Variants in SLC8A1 observed in about 807,000 individuals in gnomAD.
The protein encoded by SLC8A1 is solute carrier family 8 member A1.
In SLC8A1, 18 loss-of-function variants were observed where a neutral mutation model predicts 68.3. The ratio of observed to expected loss-of-function variants is 0.26; its 90% CI spans 0.18 to 0.39. The LOEUF (loss-of-function observed/expected upper bound fraction) is 0.39. Among genes scored for constraint, SLC8A1 ranks in the 10% least tolerant of loss-of-function variants. The pLI is 1.00. For synonymous variants in SLC8A1, 475 were observed against 415.5 expected (o/e 1.14, Z -1.74); for missense variants, 985 against 1,156.7 (o/e 0.85, Z 2.15).
chr2:40,198,397 A>C (rs573741953), intron 2 of SLC8A1, among the ~76,000 whole-genome samples: 35 of 152,088 alleles, frequency 2.3e-4, no homozygotes, highest in African/African-American at 7.9e-4. Context: ...TATAATTATC[A>C]CCATTATATA....
intron 6 of SLC8A1, among the ~76,000 whole-genome samples, chr2:40,153,467 C>T (rs1424982753): frequency 6.6e-6 from 1 of 152,136 alleles, no homozygotes; most frequent in African/African-American, 2.4e-5. Flanking sequence ...TACTCTGTAT[C>T]ACAGAGAATG....
intron 2 of SLC8A1, among the ~76,000 whole-genome samples, chr2:40,367,220 G>C (rs1676517242): frequency 6.6e-6 from 1 of 151,974 alleles, no homozygotes; most frequent in South Asian, 2.1e-4. Context: ...TGGCATCCTT[G>C]TTCTGCCTCC....
chr2:40,366,587 G>C (rs918755321), intron 2 of SLC8A1, among the ~76,000 whole-genome samples: 1 of 151,976 alleles, frequency 6.6e-6, no homozygotes, highest in Non-Finnish European at 1.5e-5. Context: ...TCATTTTATA[G>C]AGGAGGCAAC....
intron 2 of SLC8A1, among the ~76,000 whole-genome samples, chr2:40,282,811 GA>G (rs1200237972): frequency 2.6e-5 from 4 of 152,200 alleles, no homozygotes; most frequent in African/African-American, 9.6e-5. Context: ...AGGAGAAGTT[GA>G]ACTCTGAACC....
At chr2:40,320,037 G>C (rs1365690318) in intron 2 of SLC8A1, among the ~76,000 whole-genome samples, 1 of 151,870 alleles carries the variant, frequency 6.6e-6, no homozygotes, top group Non-Finnish European at 1.5e-5. Flanking sequence ...AAATGCCAAG[G>C]GCACAACAAT....
At chr2:40,439,181 T>C (rs1456031820) in intron 1 of SLC8A1, among the ~76,000 whole-genome samples, 1 of 151,956 alleles carries the variant, frequency 6.6e-6, no homozygotes, top group African/African-American at 2.4e-5. Context: ...CTGGAGGTAA[T>C]ATAAAGTTCC....
intron 2 of SLC8A1, among the ~76,000 whole-genome samples, chr2:40,295,462 C>A (rs2070187029): frequency 6.6e-6 from 1 of 152,082 alleles, no homozygotes; most frequent in African/African-American, 2.4e-5. Context: ...TTGGTGTATA[C>A]TATGTCATTC....
At chr2:40,295,144 G>A (rs1228490603) in intron 2 of SLC8A1, among the ~76,000 whole-genome samples, 1 of 151,874 alleles carries the variant, frequency 6.6e-6, no homozygotes, top group African/African-American at 2.4e-5. Flanking sequence ...CTGTCACTCA[G>A]GCTAGAGTGC....
intron 2 of SLC8A1, among the ~76,000 whole-genome samples, chr2:40,203,818 C>T (rs1474790743): frequency 6.6e-6 from 1 of 151,944 alleles, no homozygotes; most frequent in Non-Finnish European, 1.5e-5. Flanking sequence ...TGATCCTCTA[C>T]CTCATCCTCT....
At chr2:40,434,946 G>A (rs1362944547) in intron 1 of SLC8A1, among the ~76,000 whole-genome samples, 3 of 152,178 alleles carry the variant, frequency 2.0e-5, no homozygotes, top group Non-Finnish European at 4.4e-5. Flanking sequence ...AAGAGGGAGA[G>A]CTTTTGGAGC....
At chr2:40,146,839 C>T (rs2042564523) in intron 6 of SLC8A1, among the ~76,000 whole-genome samples, 1 of 152,176 alleles carries the variant, frequency 6.6e-6, no homozygotes, top group Non-Finnish European at 1.5e-5. Flanking sequence ...TTCCAAGCCA[C>T]AGCTAATCTG....
At chr2:40,113,498 A>C (rs1271525383) in exon 8 of SLC8A1, 1 of 151,096 alleles carries the variant, frequency 6.6e-6, no homozygotes, top group African/African-American at 2.5e-5. Context: ...AGTCTTATTT[A>C]ATTGCCTTCT....
intron 2 of SLC8A1, among the ~76,000 whole-genome samples, chr2:40,299,292 T>C (rs564932341): frequency 3.9e-5 from 6 of 152,058 alleles, no homozygotes; most frequent in Admixed American, 6.6e-5. Context: ...ATAAAGGGAG[T>C]TGATTGCCTA....
chr2:40,441,530 A>G (rs1056679742), intron 1 of SLC8A1, among the ~76,000 whole-genome samples: 3 of 152,208 alleles, frequency 2.0e-5, no homozygotes, highest in African/African-American at 7.2e-5. Flanking sequence ...ACAAGACTAC[A>G]GTAATCAAAA....
intron 2 of SLC8A1, among the ~76,000 whole-genome samples, chr2:40,242,428 C>T (rs1416130287): frequency 6.6e-6 from 1 of 152,132 alleles, no homozygotes. Flanking sequence ...GATTGCCTGC[C>T]ATGCTGCCTG....
At chr2:40,377,191 G>A (rs142484344) in intron 2 of SLC8A1, among the ~76,000 whole-genome samples, 1 of 152,136 alleles carries the variant, frequency 6.6e-6, no homozygotes, top group Non-Finnish European at 1.5e-5. Context: ...AGGGTCCAGG[G>A]CTTCACTGAA....
In SLC8A1 at chr2:40,212,281, A is replaced by ATGTTTTTTTTTTTT. The variant is rs371395367; in HGVS notation, c.1809-34427_1809-34426insAAAAAAAAAAAACA. On this transcript the variant is annotated intron_variant, in intron 2 of 7. Transcript: ENST00000406785. Reference sequence around the variant, plus strand: ...AGGTGCTAAACAGAAGAGATGCAATATCTTTTTTTTTTTTTTTTTTCCTGA... The same window carrying ATGTTTTTTTTTTTT: ...AGGTGCTAAACAGAAGAGATGCAATATGTTTTTTTTTTTTTCTTTTTTTTTTTTTTTTTTCCTGA... Among the ~76,000 whole-genome samples, 8 of 118,208 alleles carry ATGTTTTTTTTTTTT rather than the reference A, an allele frequency of 6.8e-5. 2 individuals carry two copies. The highest frequency in any genetic ancestry group is 3.5e-5 in the Non-Finnish European group (2 of 56,662). The allele number at this position is 118,208 out of a possible 152,430, so 77.5% of individuals were successfully genotyped here.
At chr2:40,157,058 G>T (rs1305890340) in intron 6 of SLC8A1, among the ~76,000 whole-genome samples, 1 of 152,152 alleles carries the variant, frequency 6.6e-6, no homozygotes, top group Non-Finnish European at 1.5e-5. Flanking sequence ...AAAATGGTAT[G>T]CATGATACCA....
chr2:40,353,954 C>T (rs987937815), intron 2 of SLC8A1, among the ~76,000 whole-genome samples: 4 of 152,188 alleles, frequency 2.6e-5, no homozygotes, highest in Non-Finnish European at 1.5e-5. Flanking sequence ...ATTTTACCTA[C>T]AAGGCACACA....
Sources: allele counts gnomAD v4.1 joint callset (sites outside exome capture counted in the v4.1 genomes callset), GRCh38; gene constraint gnomAD v4.1.1; transcripts MANE v1.5; gene names NCBI Gene and HGNC (gene_info 2026-07-23, HGNC 2026-07-21).